The following TOMM40L variants were observed in gnomAD, a reference collection of about 807,000 sequenced individuals.
The protein encoded by TOMM40L is mitochondrial import receptor subunit TOM40B.
TOMM40L carries 17 observed loss-of-function variants against 38.3 expected under a neutral mutation model. The observed-to-expected ratio is 0.44, with a 90% CI of 0.30 to 0.67. The LOEUF is 0.67. Among genes scored for constraint, TOMM40L ranks in the 30% least tolerant of loss-of-function variants. The pLI is 0.08. For missense variants in TOMM40L, 294 were observed against 390.0 expected (o/e 0.75, Z 2.07); for synonymous variants, 151 against 150.2 (o/e 1.01, Z -0.04).
Position 161,229,352 on chromosome 1 carries a change from G to A in TOMM40L, c.*257G>A, listed in dbSNP as rs1021981390. On this transcript the variant is annotated 3_prime_UTR_variant, in exon 10 of 10. Transcript: ENST00000367988. ...ATGCTCTTGTGGCTGTGGACTAAGG[G>A]AGAAGGATTAAGGGGTATGGCTGAA... 2 of 624,588 alleles carry A rather than the reference G, an allele frequency of 3.2e-6. No individual in the cohort carries two copies. The highest frequency in any genetic ancestry group is 5.5e-6 in the Non-Finnish European group (2 of 361,344). The allele number at this position is 624,588 out of a possible 1,614,324, so 38.7% of individuals were successfully genotyped here. A position where few individuals can be genotyped will look rare whatever the true frequency, so the allele number is the denominator to read the frequency against.
chr1:161,226,422 G>A lies in TOMM40L; in HGVS notation c.-68G>A, dbSNP rs1457534719. The A allele has an allele frequency of 7.2e-7, 1 of 1,393,806 alleles. No homozygotes were observed. Among genetic ancestry groups the A allele is most frequent in the Admixed American group, 2.2e-5 (1 of 45,428 alleles). 86.3% of individuals were successfully genotyped at this position (1,393,806 alleles called of 1,614,324 possible). A position where few individuals can be genotyped will look rare whatever the true frequency, so the allele number is the denominator to read the frequency against. Reference sequence around the variant, plus strand: ...CGGATAATGGGGGGTGGGGCCCGTTGGGGGGTAAAGGGGCAATAGCGTCCT... The same window carrying A: ...CGGATAATGGGGGGTGGGGCCCGTTAGGGGGTAAAGGGGCAATAGCGTCCT... On this transcript the variant is annotated 5_prime_UTR_variant, in exon 2 of 10. The change creates a premature stop within an existing upstream ORF in the 5' untranslated region. Transcript: ENST00000367988.
In TOMM40L at chr1:161,229,255, C is replaced by A; in HGVS notation, c.*160C>A. 1 of 1,005,956 alleles carries A rather than the reference C, an allele frequency of 9.9e-7. No homozygotes were observed. Among genetic ancestry groups the A allele is most frequent in the South Asian group, 1.6e-5 (1 of 61,982 alleles). 62.3% of individuals were successfully genotyped at this position (1,005,956 alleles called of 1,614,324 possible). On this transcript the variant is annotated 3_prime_UTR_variant, in exon 10 of 10. Coordinates refer to ENST00000367988, the MANE Select transcript of TOMM40L (RefSeq NM_032174.6). ...CATGCCCTCCTCAGAACTGGAGCTG[C>A]CACAGGGGCAGTTGATGAGGCAGAG...
chr1:161,227,217 G>T, intron 3 of TOMM40L, 41 bp from the exon 4 acceptor site: 2 of 1,581,804 alleles, frequency 1.3e-6, no homozygotes, highest in South Asian at 2.2e-5. Context: ...TTGAAGTGGA[G>T]CAGGAATGCG....
At position 161,229,636 on chromosome 1, in the gene TOMM40L, C is replaced by T. The variant is rs1203244350; in HGVS notation, c.*541C>T. On this transcript the variant is annotated 3_prime_UTR_variant, in exon 10 of 10. Coordinates refer to ENST00000367988, the MANE Select transcript of TOMM40L (RefSeq NM_032174.6). Reference sequence around the variant, plus strand: ...ACAACTTTGTTCCTATGGTCACCCCCACTATCCCCATGACCGCATGAAGAG... The same window carrying T: ...ACAACTTTGTTCCTATGGTCACCCCTACTATCCCCATGACCGCATGAAGAG... 6 of 1,612,204 alleles carry T rather than the reference C, an allele frequency of 3.7e-6. No individual in the cohort carries two copies. The highest frequency in any genetic ancestry group is 5.1e-6 in the Non-Finnish European group (6 of 1,179,448).
rs1331562036 is a variant in TOMM40L, at chr1:161,227,701, C to G, written c.342C>G (p.Leu114=). Residue 114 remains leucine (L), a synonymous_variant, in exon 5 of 10, where the codon CTC becomes CTG. Transcript: ENST00000367988. ...SGSLNAQVLL[L]LAERLRAKAV... is the part of the protein sequence containing the mutation. ...GCCTGAACGCCCAGGTCTTGCTCCTCTTGGCAGAGCGGCTCCGAGCTAAGG... is the reference window on the plus strand; with the variant it reads ...GCCTGAACGCCCAGGTCTTGCTCCTGTTGGCAGAGCGGCTCCGAGCTAAGG... 9.3e-6 allele frequency: 15 copies of G among 1,613,476 alleles called. No individual in the cohort carries two copies. Among genetic ancestry groups the G allele is most frequent in the Non-Finnish European group, 1.3e-5 (15 of 1,180,026 alleles).
rs1273627913 is a variant in TOMM40L, at chr1:161,228,166, G to A, written c.485-20G>A. The stretch of plus-strand genomic sequence containing the variant: ...ATATTGTCTCTATGACTGACTCCAT[G>A]TCTCCCCATTCCCCCACAGTGATCA... On this transcript the variant is annotated intron_variant, in intron 6 of 9. Coordinates refer to ENST00000367988, the MANE Select transcript of TOMM40L (RefSeq NM_032174.6). 6.4e-7 allele frequency: 1 copy of A among 1,571,606 alleles called. No individual in the cohort carries two copies. The highest frequency in any genetic ancestry group is 8.6e-7 in the Non-Finnish European group (1 of 1,157,344).
At position 161,227,678 on chromosome 1, in the gene TOMM40L, C is replaced by T. The variant is rs1305143533; in HGVS notation, c.319C>T (p.Leu107=). The T allele has an allele frequency of 6.2e-6, 10 of 1,613,392 alleles. No homozygotes were observed. Among genetic ancestry groups the T allele is most frequent in the Non-Finnish European group, 8.5e-6 (10 of 1,180,020 alleles). Residue 107 remains leucine, a synonymous_variant, in exon 5 of 10, where the codon CTG becomes TTG. Coordinates refer to ENST00000367988, the MANE Select transcript of TOMM40L (RefSeq NM_032174.6). Reference sequence around the variant, plus strand: ...AGGGGATATGGACAGCAGTGGCAGCCTGAACGCCCAGGTCTTGCTCCTCTT... The same window carrying T: ...AGGGGATATGGACAGCAGTGGCAGCTTGAACGCCCAGGTCTTGCTCCTCTT... ...VVGDMDSSGS[L]NAQVLLLLAE...
Position 161,226,472 on chromosome 1 carries a change from C to G in TOMM40L, c.-18C>G. ...TTTCACAGGCTAACCTCGGCTCTTC[C>G]CAGTCCTCTGGACTAAAATGGGGAA... is the stretch of plus-strand genomic sequence containing the variant. On this transcript the variant is annotated 5_prime_UTR_variant, in exon 2 of 10. Coordinates refer to ENST00000367988, the MANE Select transcript of TOMM40L (RefSeq NM_032174.6). 1 of 1,608,784 alleles carries G rather than the reference C, an allele frequency of 6.2e-7. No individual in the cohort carries two copies. The highest frequency in any genetic ancestry group is 1.3e-5 in the African/African-American group (1 of 74,824).
chr1:161,228,322 T>C lies in TOMM40L; in HGVS notation c.607+14T>C. On this transcript the variant is annotated intron_variant, in intron 7 of 9. Coordinates refer to ENST00000367988, the MANE Select transcript of TOMM40L (RefSeq NM_032174.6). ...GGAAGTACTCGGGTATGGGGCGAAGTGAAGTAGTGGTGGTGGTGGGGGGCA... is the reference window on the plus strand; with the variant it reads ...GGAAGTACTCGGGTATGGGGCGAAGCGAAGTAGTGGTGGTGGTGGGGGGCA... The C allele has an allele frequency of 6.2e-7, 1 of 1,607,454 alleles. No individual in the cohort carries two copies. The highest frequency in any genetic ancestry group is 8.5e-7 in the Non-Finnish European group (1 of 1,175,380).
chr1:161,229,991 C>G lies in TOMM40L; in HGVS notation c.*896C>G. 1.3e-6 allele frequency: 2 copies of G among 1,582,716 alleles called. No individual in the cohort carries two copies. Among genetic ancestry groups the G allele is most frequent in the East Asian group, 2.2e-5 (1 of 44,728 alleles). ...GAAATAAGGCAGTTGGGAGTCTTGT[C>G]TCTAGGCCCTGATCCCCTGAACTAT... On this transcript the variant is annotated 3_prime_UTR_variant, in exon 10 of 10. Transcript: ENST00000367988.
At position 161,229,841 on chromosome 1, in the gene TOMM40L, C is replaced by G. The variant is rs752094371; in HGVS notation, c.*746C>G. ...AGCAGCGGCATCATGGCAGACAGGC[C>G]CTGGATGTGCTGGATTTGGTACCCG... On this transcript the variant is annotated 3_prime_UTR_variant, in exon 10 of 10. Transcript: ENST00000367988. The G allele has an allele frequency of 6.2e-7, 1 of 1,614,144 alleles. No homozygotes were observed. The highest frequency in any genetic ancestry group is 8.5e-7 in the Non-Finnish European group (1 of 1,180,032).
chr1:161,226,416 C>A lies in TOMM40L; in HGVS notation c.-74C>A. 7.6e-7 allele frequency: 1 copy of A among 1,322,530 alleles called. No individual in the cohort carries two copies. Among genetic ancestry groups the A allele is most frequent in the Non-Finnish European group, 1.0e-6 (1 of 958,748 alleles). The allele number at this position is 1,322,530 out of a possible 1,614,324, so 81.9% of individuals were successfully genotyped here. On this transcript the variant is annotated 5_prime_UTR_variant, in exon 2 of 10. Coordinates refer to ENST00000367988, the MANE Select transcript of TOMM40L (RefSeq NM_032174.6). ...GGGAGCCGGATAATGGGGGGTGGGG[C>A]CCGTTGGGGGGTAAAGGGGCAATAG...
Position 161,229,704 on chromosome 1 carries a change from T to G in TOMM40L, c.*609T>G. ...CTTTCATTGCAACCACTGGGCTCCC[T>G]TTGAACCCGGCCCAATCTTTGGTCC... On this transcript the variant is annotated 3_prime_UTR_variant, in exon 10 of 10. Coordinates refer to ENST00000367988, the MANE Select transcript of TOMM40L (RefSeq NM_032174.6). The G allele has an allele frequency of 1.2e-6, 2 of 1,613,982 alleles. No individual in the cohort carries two copies. The highest frequency in any genetic ancestry group is 1.7e-6 in the Non-Finnish European group (2 of 1,180,008).
At position 161,227,462 on chromosome 1, in the gene TOMM40L, CTG is replaced by C. The variant is rs1349601027; in HGVS notation, c.276+116_276+117del. The C allele has an allele frequency of 1.5e-5, 17 of 1,135,328 alleles. 1 individual carries two copies. The highest frequency in any genetic ancestry group is 1.9e-5 in the Non-Finnish European group (15 of 771,320). The allele number at this position is 1,135,328 out of a possible 1,614,324, so 70.3% of individuals were successfully genotyped here. A position where few individuals can be genotyped will look rare whatever the true frequency, so the allele number is the denominator to read the frequency against. On this transcript the variant is annotated intron_variant, in intron 4 of 9. Transcript: ENST00000367988. ...GAGGAATGGGCCGTAACCTGATTCT[CTG>C]TGTCTTTTCTGAATGAGAGAGGGTA...
At position 161,230,728 on chromosome 1, in the gene TOMM40L, A is replaced by C. The variant is rs1315004431; in HGVS notation, c.*1633A>C. On this transcript the variant is annotated 3_prime_UTR_variant, in exon 10 of 10. Transcript: ENST00000367988. ...CTGAATTCCCTAAGGAAAGGACAGT[A>C]AAAAAACATTCCTCCCAAGCTCAAT... 2 of 1,578,496 alleles carry C rather than the reference A, an allele frequency of 1.3e-6. No homozygotes were observed. The highest frequency in any genetic ancestry group is 1.7e-5 in the Admixed American group (1 of 59,512).
rs1334602802 is a variant in TOMM40L at position 161,226,406 on chromosome 1, G to T, written c.-84G>T. ...TCTGAGGCTGGGGAGCCGGATAATGGGGGGTGGGGCCCGTTGGGGGGTAAA... is the reference window on the plus strand; with the variant it reads ...TCTGAGGCTGGGGAGCCGGATAATGTGGGGTGGGGCCCGTTGGGGGGTAAA... On this transcript the variant is annotated 5_prime_UTR_variant, in exon 2 of 10. Transcript: ENST00000367988. 3 of 1,213,082 alleles carry T rather than the reference G, an allele frequency of 2.5e-6. No homozygotes were observed. Among genetic ancestry groups the T allele is most frequent in the South Asian group, 1.4e-5 (1 of 70,242 alleles). The allele number at this position is 1,213,082 out of a possible 1,614,324, so 75.1% of individuals were successfully genotyped here.
At chr1:161,226,737 G>A (rs2102074304) in intron 2 of TOMM40L, 133 bp downstream of exon 2, 1 of 1,253,286 alleles carries the variant, frequency 8.0e-7, no homozygotes, top group African/African-American at 1.5e-5. Flanking sequence ...GGAGGATCAG[G>A]TGCCCAAATG....
In TOMM40L at chr1:161,229,525, A is replaced by G. The variant is rs1666630912; in HGVS notation, c.*430A>G. 9.6e-7 allele frequency: 1 copy of G among 1,046,626 alleles called. No individual in the cohort carries two copies. 64.8% of individuals were successfully genotyped at this position (1,046,626 alleles called of 1,614,324 possible). ...GAAGGGCTAGATGTTTGGTCTCAGG[A>G]AGTGGGGCCCACCCATTCCCAGAAG... On this transcript the variant is annotated 3_prime_UTR_variant, in exon 10 of 10. Transcript: ENST00000367988.
intron 4 of TOMM40L, 105 bp from the exon 5 acceptor site, chr1:161,227,531 A>T: frequency 9.2e-7 from 1 of 1,090,430 alleles, no homozygotes. Context: ...TGTCTTTGTG[A>T]CTCCACCAGG....
Sources: allele counts gnomAD v4.1 joint callset, GRCh38; gene constraint gnomAD v4.1.1; transcripts MANE v1.5; gene names NCBI Gene and HGNC (gene_info 2026-07-23, HGNC 2026-07-21).